The following RAB27B variants were observed in gnomAD, a reference collection of about 807,000 sequenced individuals.
The protein encoded by RAB27B is RAB27B, member RAS oncogene family, also known as ras-related protein Rab-27B.
A neutral mutation model predicts 24.6 loss-of-function variants in RAB27B; 15 were observed. That is an observed-to-expected ratio of 0.61 (90% CI 0.41 to 0.94). The LOEUF is 0.94. RAB27B is among the 40% of genes least tolerant of loss of function. The pLI is 0.00. For missense variants in RAB27B, 261 were observed against 266.8 expected, an observed-to-expected ratio of 0.98 and a Z score of 0.15; for synonymous variants, 105 against 92.5, an observed-to-expected ratio of 1.14 and a Z score of -0.78.
chr18:54,753,509 T>C (rs974421681), intron 2 of RAB27B, among the ~76,000 whole-genome samples: 1 of 152,224 alleles, frequency 6.6e-6, no homozygotes, highest in Non-Finnish European at 1.5e-5. Context: ...GGTAAACAGA[T>C]TGTAAGCCCA....
rs183188212 is a variant in RAB27B, at chr18:54,837,087, T to C, written c.-20+8387T>C. Among the ~76,000 whole-genome samples the C allele has an allele frequency of 8.0e-3, 1,122 of 139,718 alleles. 6 individuals carry two copies. The highest frequency in any genetic ancestry group is 0.013 in the Non-Finnish European group (841 of 63,160). 91.7% of individuals were successfully genotyped at this position (139,718 alleles called of 152,430 possible). A position where few individuals can be genotyped will look rare whatever the true frequency, so the allele number is the denominator to read the frequency against. On this transcript the variant is annotated intron_variant, in intron 1 of 5. Transcript: ENST00000262094. ...TGTCAGTAAGATATAGTTCCTACTC[T>C]TAAAGAACTTAGAATCTAGTAAAAT...
At chr18:54,754,556 G>A (rs1052110935) in intron 2 of RAB27B, among the ~76,000 whole-genome samples, 3 of 152,162 alleles carry the variant, frequency 2.0e-5, no homozygotes, top group African/African-American at 4.8e-5. Flanking sequence ...AGAGTAGGGC[G>A]TCCTCAGAAA....
intron 2 of RAB27B, among the ~76,000 whole-genome samples, chr18:54,798,066 A>G (rs1190095308): frequency 1.3e-5 from 2 of 152,090 alleles, no homozygotes; most frequent in Non-Finnish European, 1.5e-5. Flanking sequence ...ACCGCCGTCT[A>G]TTCTATGATC....
chr18:54,760,679 AAC>A (rs1234122203), intron 2 of RAB27B, among the ~76,000 whole-genome samples: 1 of 152,170 alleles, frequency 6.6e-6, no homozygotes, highest in African/African-American at 2.4e-5. Flanking sequence ...AGGGTAACGT[AAC>A]ACAGAGAAGA....
chr18:54,885,769 G>A (rs1425428248), intron 4 of RAB27B: 1 of 154,076 alleles, frequency 6.5e-6, no homozygotes, highest in Non-Finnish European at 1.4e-5. Context: ...ATAAAGAAAA[G>A]AGGTTTAATT....
chr18:54,860,579 A>G (rs1034288942), intron 1 of RAB27B, among the ~76,000 whole-genome samples: 1 of 151,860 alleles, frequency 6.6e-6, no homozygotes, highest in African/African-American at 2.4e-5. Flanking sequence ...TCTCCTCTGA[A>G]CTCCTCTGTC....
chr18:54,832,999 A>G (rs1002810494), intron 1 of RAB27B, among the ~76,000 whole-genome samples: 3 of 152,164 alleles, frequency 2.0e-5, no homozygotes, highest in African/African-American at 4.8e-5. Context: ...TAATAAATTC[A>G]ATTTTTTAAA....
At chr18:54,841,521 G>A (rs551492047) in intron 1 of RAB27B, among the ~76,000 whole-genome samples, 1 of 152,302 alleles carries the variant, frequency 6.6e-6, no homozygotes, top group East Asian at 1.9e-4. Context: ...TACTGTATAT[G>A]TAAGTAGATT....
chr18:54,748,231 T>G (rs1910317219), intron 2 of RAB27B, among the ~76,000 whole-genome samples: 1 of 152,118 alleles, frequency 6.6e-6, no homozygotes. Flanking sequence ...ACATTTCCTG[T>G]GAGGATGGTG....
chr18:54,826,699 C>T (rs887527086), upstream of RAB27B, among the ~76,000 whole-genome samples: 3 of 152,188 alleles, frequency 2.0e-5, no homozygotes, highest in African/African-American at 7.2e-5. Context: ...GGTAGTACAA[C>T]ACAGTGACCA....
chr18:54,759,066 C>T (rs1908099982), intron 2 of RAB27B, among the ~76,000 whole-genome samples: 1 of 152,256 alleles, frequency 6.6e-6, no homozygotes, highest in African/African-American at 2.4e-5. Context: ...GTGAGAAACA[C>T]AGTAGAACAC....
intron 2 of RAB27B, among the ~76,000 whole-genome samples, chr18:54,804,904 C>CTCTCTCTTTCTTTCTTTCTT (rs1555658012): frequency 6.3e-5 from 3 of 47,972 alleles, no homozygotes; most frequent in Admixed American, 2.0e-4. Context: ...CTTTCTCTCT[C>CTCTCTCTTTCTTTCTTTCTT]TCTTTCTTTC....
At chr18:54,825,208 TCTG>T (rs1353111825), upstream of RAB27B, among the ~76,000 whole-genome samples, 5 of 152,250 alleles carry the variant, frequency 3.3e-5, no homozygotes, top group Non-Finnish European at 7.3e-5. Context: ...TTGTATGTGA[TCTG>T]CTTTATGTCT....
intron 1 of RAB27B, among the ~76,000 whole-genome samples, chr18:54,848,870 C>A (rs1911443857): frequency 6.6e-6 from 1 of 152,022 alleles, no homozygotes; most frequent in Admixed American, 6.6e-5. Flanking sequence ...TGACATAGAT[C>A]TAGCATGTTA....
intron 2 of RAB27B, among the ~76,000 whole-genome samples, chr18:54,816,026 C>G (rs1910110812): frequency 6.6e-6 from 1 of 152,164 alleles, no homozygotes; most frequent in African/African-American, 2.4e-5. Flanking sequence ...ATCGAAACCC[C>G]TATCTTTTTC....
intron 2 of RAB27B, among the ~76,000 whole-genome samples, chr18:54,773,874 A>T (rs1309121182): frequency 2.6e-5 from 4 of 151,972 alleles, no homozygotes; most frequent in African/African-American, 7.3e-5. Flanking sequence ...GGGTTTCATT[A>T]TCTTCACCAA....
At chr18:54,790,551 C>G (rs908335595) in intron 2 of RAB27B, among the ~76,000 whole-genome samples, 6 of 152,052 alleles carry the variant, frequency 3.9e-5, no homozygotes, top group Non-Finnish European at 7.4e-5. Context: ...ATTTAGTAAA[C>G]AGATTACTTT....
At chr18:54,724,187 A>T (rs1196731105) in intron 2 of RAB27B, among the ~76,000 whole-genome samples, 1 of 151,678 alleles carries the variant, frequency 6.6e-6, no homozygotes, top group African/African-American at 2.4e-5. Flanking sequence ...TGAAGCAGGA[A>T]AAATTTTAAA....
At chr18:54,790,709 A>G (rs1909222117) in intron 2 of RAB27B, among the ~76,000 whole-genome samples, 2 of 152,196 alleles carry the variant, frequency 1.3e-5, no homozygotes, top group South Asian at 2.1e-4. Flanking sequence ...TATGTGTAGT[A>G]TATTTTTATA....
Sources: allele counts gnomAD v4.1 joint callset (sites outside exome capture counted in the v4.1 genomes callset), GRCh38; gene constraint gnomAD v4.1.1; transcripts MANE v1.5; gene names NCBI Gene and HGNC (gene_info 2026-07-23, HGNC 2026-07-21).